Variants in SYT13 observed in about 807,000 individuals in gnomAD.
SYT13 encodes the protein synaptotagmin 13, also known as synaptotagmin-13.
SYT13 carries 21 observed loss-of-function variants against 38.6 expected under a neutral mutation model. The observed-to-expected ratio is 0.54, with a 90% CI of 0.39 to 0.78. The LOEUF is 0.78. SYT13 is among the 30% of genes least tolerant of loss of function. The probability of loss-of-function intolerance (pLI) is 0.00; values close to 1 mark genes in which losing one functional copy is unlikely to be tolerated. For synonymous variants in SYT13, 241 were observed against 237.6 expected, an observed-to-expected ratio of 1.01 and a Z score of -0.13; for missense variants, 495 against 548.7, an observed-to-expected ratio of 0.90 and a Z score of 0.98.
intron 1 of SYT13, among the ~76,000 whole-genome samples, chr11:45,271,761 A>C (rs1854952022): frequency 1.3e-5 from 2 of 152,212 alleles, no homozygotes; most frequent in African/African-American, 4.8e-5. Flanking sequence ...ACAGAGACAC[A>C]GTGAGGGTAA....
At chr11:45,275,033 A>T (rs1232523263) in intron 1 of SYT13, among the ~76,000 whole-genome samples, 1 of 152,112 alleles carries the variant, frequency 6.6e-6, no homozygotes, top group Non-Finnish European at 1.5e-5. Context: ...CACTAAAGGC[A>T]AGCATAGAGA....
chr11:45,271,056 C>T (rs529792566), intron 1 of SYT13, among the ~76,000 whole-genome samples: 79 of 152,230 alleles, frequency 5.2e-4, no homozygotes, highest in South Asian at 4.2e-3. Context: ...ATGAGATATT[C>T]CATAAAGGGG....
chr11:45,261,235 T>G (rs886898669), intron 1 of SYT13, among the ~76,000 whole-genome samples: 2 of 152,164 alleles, frequency 1.3e-5, no homozygotes, highest in Non-Finnish European at 2.9e-5. Flanking sequence ...GGTGAGGATG[T>G]GAAGAAATCG....
At chr11:45,274,147 A>G (rs562283037) in intron 1 of SYT13, among the ~76,000 whole-genome samples, 7 of 152,308 alleles carry the variant, frequency 4.6e-5, no homozygotes, top group African/African-American at 1.4e-4. Flanking sequence ...ATAAAAGTGA[A>G]CATTTTCATT....
chr11:45,251,409 A>AAAT (rs1473071607), intron 4 of SYT13, among the ~76,000 whole-genome samples: 100 of 151,486 alleles, frequency 6.6e-4, no homozygotes, highest in African/African-American at 2.3e-3. Context: ...AAAAAAAAAA[A>AAAT]ATAGTGCCCT....
intron 1 of SYT13, among the ~76,000 whole-genome samples, chr11:45,256,827 A>T (rs1056804774): frequency 1.3e-5 from 2 of 152,164 alleles, no homozygotes; most frequent in African/African-American, 2.4e-5. Context: ...AATATTTATC[A>T]TCTTATTACA....
chr11:45,264,560 G>C (rs1854858801), intron 1 of SYT13, among the ~76,000 whole-genome samples: 2 of 152,146 alleles, frequency 1.3e-5, no homozygotes, highest in African/African-American at 2.4e-5. Context: ...GGTTGCCCCA[G>C]TCAAACCCTG....
At chr11:45,275,396 A>G (rs904363914) in intron 1 of SYT13, among the ~76,000 whole-genome samples, 4 of 152,172 alleles carry the variant, frequency 2.6e-5, no homozygotes, top group African/African-American at 9.7e-5. Context: ...GTTTTCATTC[A>G]TATTCATATA....
intron 2 of SYT13, 64 bp downstream of exon 2, chr11:45,255,601 CA>C (rs1274261464): frequency 1.3e-6 from 2 of 1,497,184 alleles, no homozygotes; most frequent in East Asian, 4.7e-5. Context: ...ACAGCATCTA[CA>C]GAGACATTGA....
intron 4 of SYT13, among the ~76,000 whole-genome samples, chr11:45,251,640 A>G (rs1342970032): frequency 6.6e-6 from 1 of 152,124 alleles, no homozygotes; most frequent in African/African-American, 2.4e-5. Flanking sequence ...AAGTAACTAC[A>G]TACCATCTTG....
intron 1 of SYT13, among the ~76,000 whole-genome samples, chr11:45,282,289 G>T (rs1342131096): frequency 6.6e-6 from 1 of 152,170 alleles, no homozygotes; most frequent in Non-Finnish European, 1.5e-5. Context: ...TGCATACCTG[G>T]AAGGGCTGCA....
intron 1 of SYT13, among the ~76,000 whole-genome samples, chr11:45,284,543 A>G (rs1253049279): frequency 6.6e-6 from 1 of 152,180 alleles, no homozygotes; most frequent in Non-Finnish European, 1.5e-5. Flanking sequence ...TTTCTTTAAC[A>G]GATGATCAGC....
intron 4 of SYT13, among the ~76,000 whole-genome samples, chr11:45,247,375 C>T (rs1039528360): frequency 6.6e-6 from 1 of 152,200 alleles, no homozygotes. Flanking sequence ...AGAAGATGCC[C>T]TTCCCTCGAA....
rs778695019 is a variant in SYT13 at position 45,285,891 on chromosome 11, C to T, written c.183+134G>A. On this transcript the variant is annotated intron_variant, in intron 1 of 5. Coordinates refer to ENST00000020926, the MANE Select transcript of SYT13 (RefSeq NM_020826.3). Reference sequence around the variant, plus strand: ...TTTGACTCCTTGACCTGTCCTCCAACGCGTCTGCTGTCCCCTCCCCGCCAA... The same window carrying T: ...TTTGACTCCTTGACCTGTCCTCCAATGCGTCTGCTGTCCCCTCCCCGCCAA... The T allele has an allele frequency of 1.5e-5, 14 of 937,042 alleles. No individual in the cohort carries two copies. In the South Asian group the frequency reaches 1.6e-4, roughly 11 times the overall value. 58.0% of individuals were successfully genotyped at this position (937,042 alleles called of 1,614,324 possible). A position where few individuals can be genotyped will look rare whatever the true frequency, so the allele number is the denominator to read the frequency against.
At chr11:45,279,153 A>G (rs1243033188) in intron 1 of SYT13, among the ~76,000 whole-genome samples, 1 of 152,260 alleles carries the variant, frequency 6.6e-6, no homozygotes, top group African/African-American at 2.4e-5. Context: ...TGGGCTCTGA[A>G]GCCAAATTTT....
chr11:45,266,639 C>T (rs146504704), intron 1 of SYT13, among the ~76,000 whole-genome samples: 94 of 152,276 alleles, frequency 6.2e-4, no homozygotes, highest in African/African-American at 2.2e-3. Flanking sequence ...CAGAGAAGGA[C>T]CAACTCCTAG....
chr11:45,277,968 C>T (rs962308101), intron 1 of SYT13, among the ~76,000 whole-genome samples: 5 of 152,176 alleles, frequency 3.3e-5, no homozygotes, highest in African/African-American at 1.2e-4. Context: ...GGGTAGTTAC[C>T]ACTGTATCCT....
rs570469148 is a variant in SYT13 at position 45,270,017 on chromosome 11, A to G, written c.184-14126T>C. On this transcript the variant is annotated intron_variant, in intron 1 of 5. Coordinates refer to ENST00000020926, the MANE Select transcript of SYT13 (RefSeq NM_020826.3). ...GACTTGAACACAGCCTTTTCACTCC[A>G]GCCACCCTACCCTTATTTTCCCATC... 3.9e-5 allele frequency among the ~76,000 whole-genome samples: 6 copies of G among 152,336 alleles called. No homozygotes were observed. The South Asian group carries it at 1.2e-3, about 32-fold the overall frequency.
chr11:45,260,001 T>C (rs78602633), intron 1 of SYT13, among the ~76,000 whole-genome samples: 1 of 152,268 alleles, frequency 6.6e-6, no homozygotes, highest in African/African-American at 2.4e-5. Context: ...CAGTTTGAAT[T>C]GGGATTTTTG....
Sources: allele counts gnomAD v4.1 joint callset (sites outside exome capture counted in the v4.1 genomes callset), GRCh38; gene constraint gnomAD v4.1.1; transcripts MANE v1.5; gene names NCBI Gene and HGNC (gene_info 2026-07-23, HGNC 2026-07-21).